The following SGIP1 variants were observed in gnomAD, a reference collection of about 807,000 sequenced individuals.
SGIP1 encodes SH3GL interacting endocytic adaptor 1.
Under a neutral mutation model 107.5 loss-of-function variants are expected in SGIP1, and 38 were observed. The observed-to-expected ratio is 0.35, with a 90% CI of 0.27 to 0.46. The LOEUF is 0.46. SGIP1 is among the 20% of genes least tolerant of loss of function. SGIP1 has a pLI of 1.00. For synonymous variants in SGIP1, 365 were observed against 366.1 expected (o/e 1.00, Z 0.03); for missense variants, 929 against 1,019.5 (o/e 0.91, Z 1.21).
chr1:66,709,826 C>T (rs2150332322), intron 18 of SGIP1, among the ~76,000 whole-genome samples: 2 of 152,122 alleles, frequency 1.3e-5, no homozygotes, highest in East Asian at 3.9e-4. Flanking sequence ...TTAGCACAGT[C>T]CCCAGAATTC....
chr1:66,667,657 T>A, intron 9 of SGIP1, 116 bp downstream of exon 9: 5 of 888,226 alleles, frequency 5.6e-6, no homozygotes, highest in Non-Finnish European at 9.5e-6. Flanking sequence ...ATGAGGCAGA[T>A]GAAATAGGTT....
chr1:66,567,082 A>G (rs1215779597), intron 1 of SGIP1, among the ~76,000 whole-genome samples: 1 of 152,030 alleles, frequency 6.6e-6, no homozygotes, highest in Non-Finnish European at 1.5e-5. Flanking sequence ...TGGTGTATAC[A>G]TACCACATTT....
At chr1:66,622,382 T>C (rs1360536889) in intron 1 of SGIP1, among the ~76,000 whole-genome samples, 1 of 152,230 alleles carries the variant, frequency 6.6e-6, no homozygotes, top group Non-Finnish European at 1.5e-5. Flanking sequence ...GCTGGTAGTA[T>C]TCCAATGACA....
intron 7 of SGIP1, among the ~76,000 whole-genome samples, chr1:66,656,452 A>G (rs2079797160): frequency 6.6e-6 from 1 of 152,244 alleles, no homozygotes; most frequent in Non-Finnish European, 1.5e-5. Context: ...TTTGTACTTA[A>G]TAATACAGCA....
intron 7 of SGIP1, among the ~76,000 whole-genome samples, chr1:66,647,552 T>G (rs1158306398): frequency 6.6e-6 from 1 of 152,230 alleles, no homozygotes; most frequent in East Asian, 1.9e-4. Context: ...TGTATCTGCA[T>G]CTTAAGGTTA....
At chr1:66,691,039 C>T (rs1413024421) in intron 17 of SGIP1, among the ~76,000 whole-genome samples, 4 of 152,136 alleles carry the variant, frequency 2.6e-5, no homozygotes, top group Non-Finnish European at 4.4e-5. Flanking sequence ...TCTTTTTCCA[C>T]CTCCCAGCAG....
At chr1:66,561,723 C>T (rs577723633) in intron 1 of SGIP1, among the ~76,000 whole-genome samples, 1 of 152,150 alleles carries the variant, frequency 6.6e-6, no homozygotes, top group East Asian at 1.9e-4. Flanking sequence ...CTGTCGGACT[C>T]TCTTGCCCCT....
At chr1:66,612,394 G>A (rs4655500) in intron 1 of SGIP1, among the ~76,000 whole-genome samples, 22,467 of 152,174 alleles carry the variant, frequency 0.15, 2,187 homozygotes, top group East Asian at 0.46. Context: ...AGAAGGAATC[G>A]GAAAGCATAC....
intron 1 of SGIP1, among the ~76,000 whole-genome samples, chr1:66,615,332 C>T (rs532782151): frequency 6.6e-6 from 1 of 152,014 alleles, no homozygotes; most frequent in African/African-American, 2.4e-5. Flanking sequence ...GGGATTTCAC[C>T]GTTTTGGCCA....
intron 1 of SGIP1, among the ~76,000 whole-genome samples, chr1:66,602,743 A>G (rs888949465): frequency 6.6e-6 from 1 of 152,154 alleles, no homozygotes; most frequent in African/African-American, 2.4e-5. Flanking sequence ...AGATATATCT[A>G]ATGCTCTCTC....
In SGIP1 at chr1:66,657,854, A is replaced by G. The variant is rs1467353908; in HGVS notation, c.460-2659A>G. Among the ~76,000 whole-genome samples the G allele has an allele frequency of 5.9e-5, 9 of 152,174 alleles. No homozygotes were observed. In the East Asian group the frequency reaches 1.2e-3, roughly 20 times the overall value. ...AATATCACTCCCATTTCTCTTATTTATCTTTTCCATAATTAAAAATAAACT... is the reference window on the plus strand; with the variant it reads ...AATATCACTCCCATTTCTCTTATTTGTCTTTTCCATAATTAAAAATAAACT... On this transcript the variant is annotated intron_variant, in intron 7 of 24. Coordinates refer to ENST00000371037, the MANE Select transcript of SGIP1 (RefSeq NM_032291.4).
chr1:66,548,538 C>CT (rs570878633), intron 1 of SGIP1, among the ~76,000 whole-genome samples: 1 of 152,044 alleles, frequency 6.6e-6, no homozygotes, highest in African/African-American at 2.4e-5. Context: ...GTATCATGCA[C>CT]TTTTTTTATG....
chr1:66,634,599 G>A (rs2075427448), intron 3 of SGIP1, among the ~76,000 whole-genome samples: 1 of 152,214 alleles, frequency 6.6e-6, no homozygotes, highest in Non-Finnish European at 1.5e-5. Context: ...ATCATATGAC[G>A]TTCTTTATTA....
At chr1:66,662,355 C>G (rs2081673595) in intron 8 of SGIP1, among the ~76,000 whole-genome samples, 2 of 152,172 alleles carry the variant, frequency 1.3e-5, no homozygotes, top group Non-Finnish European at 2.9e-5. Flanking sequence ...ATTAGGATGT[C>G]ACAAAACTTC....
chr1:66,675,439 G>C (rs1392778511), intron 12 of SGIP1, among the ~76,000 whole-genome samples: 1 of 151,370 alleles, frequency 6.6e-6, no homozygotes. Flanking sequence ...TAGCTTTTTC[G>C]ATACCCACAC....
intron 19 of SGIP1, among the ~76,000 whole-genome samples, chr1:66,720,081 A>C (rs1462371806): frequency 6.6e-6 from 1 of 152,186 alleles, no homozygotes; most frequent in East Asian, 1.9e-4. Context: ...ATGTAATTAA[A>C]TATTTGGCCT....
At chr1:66,662,362 C>A (rs1309059845) in intron 8 of SGIP1, among the ~76,000 whole-genome samples, 3 of 152,176 alleles carry the variant, frequency 2.0e-5, no homozygotes, top group African/African-American at 7.2e-5. Flanking sequence ...TGTCACAAAA[C>A]TTCAAAATCT....
At chr1:66,671,104 A>T in intron 10 of SGIP1, 85 bp downstream of exon 10, 1 of 616,934 alleles carries the variant, frequency 1.6e-6, no homozygotes, top group Non-Finnish European at 2.7e-6. Flanking sequence ...GTACATATGA[A>T]TTATACATTC....
At chr1:66,570,463 T>C (rs1352125206) in intron 1 of SGIP1, among the ~76,000 whole-genome samples, 1 of 151,966 alleles carries the variant, frequency 6.6e-6, no homozygotes, top group Non-Finnish European at 1.5e-5. Context: ...AAGGCACTAA[T>C]AGTCAATAGA....
Sources: allele counts gnomAD v4.1 joint callset (sites outside exome capture counted in the v4.1 genomes callset), GRCh38; gene constraint gnomAD v4.1.1; transcripts MANE v1.5; gene names NCBI Gene and HGNC (gene_info 2026-07-23, HGNC 2026-07-21).